LRMDA: variants seen among roughly 807,000 people sequenced by gnomAD.
The protein encoded by LRMDA is leucine-rich melanocyte differentiation-associated protein.
Under a neutral mutation model 29.8 loss-of-function variants are expected in LRMDA, and 18 were observed. That is an observed-to-expected ratio of 0.60 (90% CI 0.42 to 0.90). The LOEUF is 0.90. LRMDA is among the 40% of genes least tolerant of loss of function. The pLI, the probability that LRMDA is intolerant of heterozygous loss-of-function variation, is 0.00. For missense variants in LRMDA, 273 were observed against 273.9 expected (o/e 1.00, Z 0.02); for synonymous variants, 125 against 109.4 (o/e 1.14, Z -0.89).
chr10:76,117,310 ACT>A (rs767805293), intron 5 of LRMDA, among the ~76,000 whole-genome samples: 4 of 152,082 alleles, frequency 2.6e-5, no homozygotes, highest in Non-Finnish European at 4.4e-5. Flanking sequence ...CATATTCATA[ACT>A]CTGTCTCCTG....
intron 2 of LRMDA, among the ~76,000 whole-genome samples, chr10:75,695,261 A>C (rs551060678): frequency 7.2e-5 from 11 of 152,268 alleles, no homozygotes; most frequent in African/African-American, 2.2e-4. Flanking sequence ...ACATCTATTA[A>C]AGTTCATTTC....
At chr10:76,471,436 C>A (rs143648724) in intron 6 of LRMDA, among the ~76,000 whole-genome samples, 8 of 151,148 alleles carry the variant, frequency 5.3e-5, no homozygotes, top group East Asian at 1.9e-4. Flanking sequence ...CAAAATATAG[C>A]GAAAAATTAT....
chr10:75,498,089 T>C (rs1288940270), intron 2 of LRMDA, among the ~76,000 whole-genome samples: 1 of 152,184 alleles, frequency 6.6e-6, no homozygotes, highest in Non-Finnish European at 1.5e-5. Context: ...GTCTTTTTCA[T>C]TGTAGGCATT....
intron 5 of LRMDA, among the ~76,000 whole-genome samples, chr10:76,226,135 A>C (rs1306241579): frequency 6.6e-6 from 1 of 152,070 alleles, no homozygotes. Flanking sequence ...GATAATTTAT[A>C]AAGGAAAGAG....
At chr10:75,903,003 C>G (rs1160771306) in intron 2 of LRMDA, among the ~76,000 whole-genome samples, 5 of 152,202 alleles carry the variant, frequency 3.3e-5, no homozygotes, top group Non-Finnish European at 7.3e-5. Flanking sequence ...GAATCTTCTA[C>G]AGCTATAGTG....
chr10:76,012,512 T>C (rs912423052), intron 2 of LRMDA, among the ~76,000 whole-genome samples: 1 of 152,140 alleles, frequency 6.6e-6, no homozygotes. Context: ...TTTAATAAGA[T>C]GGTTCTTTAA....
At chr10:75,526,665 C>T (rs1467031150) in intron 2 of LRMDA, among the ~76,000 whole-genome samples, 1 of 151,852 alleles carries the variant, frequency 6.6e-6, no homozygotes, top group Admixed American at 6.6e-5. Flanking sequence ...CCAGCCTGGA[C>T]AACATAGTGA....
chr10:75,658,457 CT>C (rs201640621), intron 2 of LRMDA, among the ~76,000 whole-genome samples: 6 of 151,288 alleles, frequency 4.0e-5, no homozygotes, highest in South Asian at 2.1e-4. Context: ...CAAAAGGTTT[CT>C]TTTTTTTTAT....
chr10:75,879,542 G>A (rs1047301799), intron 2 of LRMDA, among the ~76,000 whole-genome samples: 4 of 152,154 alleles, frequency 2.6e-5, no homozygotes, highest in Admixed American at 6.5e-5. Context: ...TTGTTGTTGC[G>A]CTGATGTATA....
intron 5 of LRMDA, among the ~76,000 whole-genome samples, chr10:76,224,148 C>G (rs1851904787): frequency 6.6e-6 from 1 of 151,822 alleles, no homozygotes; most frequent in Admixed American, 6.6e-5. Context: ...CTCTCAAATT[C>G]TATATGAACA....
intron 2 of LRMDA, among the ~76,000 whole-genome samples, chr10:75,471,247 G>A (rs1844722914): frequency 6.6e-6 from 1 of 151,726 alleles, no homozygotes; most frequent in Non-Finnish European, 1.5e-5. Flanking sequence ...TGTGGTTCTG[G>A]TAAGCAAAAC....
intron 2 of LRMDA, among the ~76,000 whole-genome samples, chr10:76,033,877 C>T (rs1223871377): frequency 6.6e-6 from 1 of 152,042 alleles, no homozygotes; most frequent in South Asian, 2.1e-4. Flanking sequence ...ACTTGCTGCA[C>T]GCCTCCTCTG....
chr10:75,944,742 G>GTA (rs904611086), intron 2 of LRMDA, among the ~76,000 whole-genome samples: 12 of 147,536 alleles, frequency 8.1e-5, no homozygotes, highest in East Asian at 7.8e-4. Context: ...ATATCTATAT[G>GTA]TATATATATA....
intron 5 of LRMDA, among the ~76,000 whole-genome samples, chr10:76,072,290 C>T (rs1848888139): frequency 2.6e-5 from 4 of 152,134 alleles, no homozygotes. Flanking sequence ...AATCCCTCTC[C>T]ACCACTTAAA....
At chr10:76,022,764 C>G (rs1022847832) in intron 2 of LRMDA, among the ~76,000 whole-genome samples, 1 of 151,784 alleles carries the variant, frequency 6.6e-6, no homozygotes, top group African/African-American at 2.4e-5. Flanking sequence ...AGGGGATGCT[C>G]AATAAATATT....
intron 5 of LRMDA, among the ~76,000 whole-genome samples, chr10:76,221,302 T>C (rs1435577775): frequency 2.0e-5 from 3 of 152,138 alleles, no homozygotes; most frequent in Non-Finnish European, 2.9e-5. Flanking sequence ...AAATAAAGGG[T>C]ATTCAATTAG....
chr10:75,495,853 T>G (rs1845039090), intron 2 of LRMDA, among the ~76,000 whole-genome samples: 1 of 152,184 alleles, frequency 6.6e-6, no homozygotes, highest in Non-Finnish European at 1.5e-5. Flanking sequence ...GTGCTGCTTG[T>G]GGTGGTCCCC....
intron 2 of LRMDA, among the ~76,000 whole-genome samples, chr10:75,973,347 T>C (rs1319890251): frequency 6.6e-6 from 1 of 152,120 alleles, no homozygotes; most frequent in East Asian, 1.9e-4. Context: ...CATCATTGTC[T>C]TTTTTTCCAC....
At chr10:76,456,207 G>T (rs978175617) in intron 6 of LRMDA, among the ~76,000 whole-genome samples, 2 of 152,174 alleles carry the variant, frequency 1.3e-5, no homozygotes, top group Non-Finnish European at 2.9e-5. Flanking sequence ...CAAGGGCCTG[G>T]CTTCTAGAGT....
Sources: gnomAD v4.1 joint callset for allele counts (sites outside exome capture counted in the v4.1 genomes callset) on GRCh38, gnomAD v4.1.1 for gene constraint, MANE v1.5 for transcripts, NCBI Gene and HGNC (gene_info 2026-07-23, HGNC 2026-07-21) for gene names.